Variants in VRK2 observed in about 807,000 individuals in gnomAD.
The protein encoded by VRK2 is VRK serine/threonine kinase 2, also known as serine/threonine-protein kinase VRK2.
VRK2 carries 60 observed loss-of-function variants against 57.6 expected under a neutral mutation model. The ratio of observed to expected loss-of-function variants is 1.04; its 90% CI spans 0.85 to 1.29. The LOEUF (loss-of-function observed/expected upper bound fraction) is 1.29, where lower values mean the gene tolerates loss of function less well. VRK2 is among the 50% of genes most tolerant of loss of function. VRK2 has a pLI of 0.00. For missense variants in VRK2, 705 were observed against 588.1 expected (o/e 1.20, Z -2.06); for synonymous variants, 231 against 199.2 (o/e 1.16, Z -1.35).
intron 1 of VRK2, among the ~76,000 whole-genome samples, chr2:57,997,102 A>G (rs1672948148): frequency 6.6e-6 from 1 of 152,140 alleles, no homozygotes; most frequent in South Asian, 2.1e-4. Flanking sequence ...AAGCAAATTC[A>G]GTAAGGCATG....
chr2:58,037,554 C>T (rs891138683), intron 3 of VRK2, among the ~76,000 whole-genome samples: 5 of 152,034 alleles, frequency 3.3e-5, no homozygotes, highest in South Asian at 4.1e-4. Context: ...GACACAGAAA[C>T]AAAATCCCCC....
chr2:58,046,659 A>T (rs1674783800), upstream of VRK2: 3 of 985,630 alleles, frequency 3.0e-6, no homozygotes, highest in Non-Finnish European at 3.6e-6. Flanking sequence ...GGCCGCTGAA[A>T]GGAACCGGCT....
intron 1 of VRK2, among the ~76,000 whole-genome samples, chr2:58,048,095 T>C (rs149592343): frequency 2.8e-4 from 42 of 152,324 alleles, no homozygotes; most frequent in African/African-American, 9.1e-4. Context: ...TGCTAACCTA[T>C]GTACAATTAT....
At position 58,131,793 on chromosome 2, in the gene VRK2, T is replaced by G; in HGVS notation, c.677-15T>G. ...GCTTATCCCTTATCTTTCTCTCTAATGCTTACTCCTATAGCCTTGTCCAGA... is the reference window on the plus strand; with the variant it reads ...GCTTATCCCTTATCTTTCTCTCTAAGGCTTACTCCTATAGCCTTGTCCAGA... On this transcript the variant is annotated splice_polypyrimidine_tract_variant and intron_variant, in intron 8 of 12. Transcript: ENST00000340157. 6.3e-7 allele frequency: 1 copy of G among 1,590,848 alleles called. No individual in the cohort carries two copies. Among genetic ancestry groups the G allele is most frequent in the Non-Finnish European group, 8.5e-7 (1 of 1,172,286 alleles).
chr2:58,023,562 T>G (rs1419941786), intron 1 of VRK2, among the ~76,000 whole-genome samples: 2 of 152,158 alleles, frequency 1.3e-5, no homozygotes, highest in Non-Finnish European at 2.9e-5. Context: ...AGTAAATGTA[T>G]TTTTTGAAAG....
intron 12 of VRK2, among the ~76,000 whole-genome samples, chr2:58,150,205 T>A (rs2104676720): frequency 6.6e-6 from 1 of 151,654 alleles, no homozygotes; most frequent in East Asian, 1.9e-4. Flanking sequence ...CTTTCTTAAA[T>A]GTTGGATAGA....
intron 7 of VRK2, among the ~76,000 whole-genome samples, chr2:58,112,238 A>C (rs1343998648): frequency 6.6e-6 from 1 of 152,190 alleles, no homozygotes; most frequent in Non-Finnish European, 1.5e-5. Flanking sequence ...CAGCTTTCTT[A>C]TATGTAAAAT....
chr2:58,031,842 A>G (rs931620774), intron 2 of VRK2, among the ~76,000 whole-genome samples: 2 of 152,106 alleles, frequency 1.3e-5, no homozygotes, highest in African/African-American at 4.8e-5. Context: ...TACAAACGAA[A>G]AAAATGGAAG....
At chr2:58,031,331 G>A (rs77733682) in intron 2 of VRK2, among the ~76,000 whole-genome samples, 3,409 of 152,084 alleles carry the variant, frequency 0.022, 62 homozygotes, top group Non-Finnish European at 0.037. Flanking sequence ...AAAATCAGAA[G>A]AAGAGAGGCT....
intron 1 of VRK2, among the ~76,000 whole-genome samples, chr2:57,959,961 T>C (rs1258292566): frequency 6.6e-6 from 1 of 151,226 alleles, no homozygotes; most frequent in Non-Finnish European, 1.5e-5. Context: ...GACTGAGCAT[T>C]GATCATCCGA....
chr2:58,067,033 A>T (rs1305798871), intron 2 of VRK2, among the ~76,000 whole-genome samples: 1 of 152,180 alleles, frequency 6.6e-6, no homozygotes, highest in African/African-American at 2.4e-5. Flanking sequence ...CATGCAGAAG[A>T]AGGTGGAAAG....
chr2:57,980,957 A>G (rs1240494395), intron 1 of VRK2, among the ~76,000 whole-genome samples: 1 of 152,112 alleles, frequency 6.6e-6, no homozygotes. Context: ...TGAAGACAGT[A>G]TACAGTTGGG....
At chr2:58,065,232 A>G (rs1668452802) in intron 2 of VRK2, among the ~76,000 whole-genome samples, 1 of 152,146 alleles carries the variant, frequency 6.6e-6, no homozygotes, top group Admixed American at 6.6e-5. Flanking sequence ...GATACAGGAC[A>G]GATTCATCAC....
chr2:58,096,430 A>G (rs1673136678), intron 7 of VRK2, among the ~76,000 whole-genome samples: 2 of 151,710 alleles, frequency 1.3e-5, no homozygotes, highest in Non-Finnish European at 3.0e-5. Flanking sequence ...TTTTTTCAGA[A>G]ATTGGTTCGA....
At position 58,049,074 on chromosome 2, in the gene VRK2, A is replaced by G. The variant is rs141765658; in HGVS notation, c.136+107A>G. ...AATATGGAATTCATATGTGTACTTT[A>G]TTAAAATTCATGATTGTACTCGATT... is the stretch of plus-strand genomic sequence containing the variant. On this transcript the variant is annotated intron_variant, in intron 2 of 12. Transcript: ENST00000340157. The G allele has an allele frequency of 1.1e-3, 1,478 of 1,344,126 alleles. 26 individuals carry two copies. The East Asian group carries it at 0.033, about 30-fold the overall frequency. The allele number at this position is 1,344,126 out of a possible 1,614,324, so 83.3% of individuals were successfully genotyped here.
chr2:58,076,044 C>A (rs886467820), intron 2 of VRK2, among the ~76,000 whole-genome samples: 4 of 149,852 alleles, frequency 2.7e-5, no homozygotes, highest in African/African-American at 7.3e-5. Flanking sequence ...CCTCCAAGCT[C>A]TTAATATGTT....
At chr2:57,992,101 T>C (rs1171433033) in intron 1 of VRK2, among the ~76,000 whole-genome samples, 1 of 152,106 alleles carries the variant, frequency 6.6e-6, no homozygotes, top group Non-Finnish European at 1.5e-5. Flanking sequence ...TAATAGATAG[T>C]TGTATAATCC....
intron 1 of VRK2, among the ~76,000 whole-genome samples, chr2:57,959,492 C>T (rs1671689424): frequency 6.6e-6 from 1 of 152,042 alleles, no homozygotes; most frequent in Non-Finnish European, 1.5e-5. Context: ...GGTAATTGTA[C>T]CTGACTACAC....
At chr2:58,137,181 T>G (rs199510076) in intron 10 of VRK2, among the ~76,000 whole-genome samples, 2 of 44,528 alleles carry the variant, frequency 4.5e-5, no homozygotes, top group African/African-American at 1.9e-4. Flanking sequence ...ATCATATATA[T>G]CATATATGAT....
Sources: gnomAD v4.1 joint callset for allele counts (sites outside exome capture counted in the v4.1 genomes callset) on GRCh38, gnomAD v4.1.1 for gene constraint, MANE v1.5 for transcripts, NCBI Gene and HGNC (gene_info 2026-07-23, HGNC 2026-07-21) for gene names.